Variants in EVA1A observed in about 807,000 individuals in gnomAD.
EVA1A encodes protein eva-1 homolog A.
A neutral mutation model predicts 9.8 loss-of-function variants in EVA1A; 7 were observed. The observed-to-expected ratio is 0.71, with a 90% CI of 0.41 to 1.34. EVA1A has a LOEUF of 1.34. EVA1A is among the 40% of genes most tolerant of loss of function. EVA1A has a pLI of 0.01. For synonymous variants in EVA1A, 90 were observed against 85.6 expected, an observed-to-expected ratio of 1.05 and a Z score of -0.28; for missense variants, 206 against 205.9, an observed-to-expected ratio of 1.00 and a Z score of 0.00.
At chr2:75,533,803 T>A (rs1385886980) in intron 1 of EVA1A, among the ~76,000 whole-genome samples, 1 of 150,434 alleles carries the variant, frequency 6.6e-6, no homozygotes, top group African/African-American at 2.4e-5. Context: ...TATTTTATTT[T>A]ATTATTTATT....
chr2:75,538,006 T>C (rs763587117), intron 1 of EVA1A, among the ~76,000 whole-genome samples: 8 of 152,136 alleles, frequency 5.3e-5, no homozygotes, highest in Non-Finnish European at 1.2e-4. Flanking sequence ...ACTAGTGAGT[T>C]TAGCCAGGTG....
intron 3 of EVA1A, among the ~76,000 whole-genome samples, chr2:75,511,623 A>T (rs1444754973): frequency 1.3e-5 from 2 of 152,174 alleles, no homozygotes; most frequent in Admixed American, 1.3e-4. Flanking sequence ...GAACTCTGGA[A>T]GGATGCATAA....
chr2:75,533,279 G>A (rs1173713899), intron 1 of EVA1A, among the ~76,000 whole-genome samples: 1 of 152,144 alleles, frequency 6.6e-6, no homozygotes, highest in Non-Finnish European at 1.5e-5. Flanking sequence ...CACAGAGGAT[G>A]TTTCATTGGA....
chr2:75,516,839 C>A (rs773671126), intron 3 of EVA1A, among the ~76,000 whole-genome samples: 4 of 152,192 alleles, frequency 2.6e-5, no homozygotes, highest in Non-Finnish European at 5.9e-5. Flanking sequence ...AATTTCAAAC[C>A]TCTCTTCCAG....
At chr2:75,533,500 G>C (rs1220058616) in intron 1 of EVA1A, among the ~76,000 whole-genome samples, 5 of 152,202 alleles carry the variant, frequency 3.3e-5, no homozygotes, top group Non-Finnish European at 5.9e-5. Context: ...AGAAAGAAAA[G>C]AATTTTAAAA....
chr2:75,524,576 CA>C (rs937964525), intron 1 of EVA1A, among the ~76,000 whole-genome samples: 1 of 152,120 alleles, frequency 6.6e-6, no homozygotes, highest in African/African-American at 2.4e-5. Flanking sequence ...GCTGAGTTTA[CA>C]AAATCAATGG....
At chr2:75,542,708 T>C (rs1676174479) in intron 1 of EVA1A, 1 of 152,270 alleles carries the variant, frequency 6.6e-6, no homozygotes, top group African/African-American at 2.4e-5. Context: ...GTGCATTTCA[T>C]ATGTTTCCAT....
Position 75,516,879 on chromosome 2 carries a change from T to C in EVA1A, c.85+1177A>G, listed in dbSNP as rs190743231. Among the ~76,000 whole-genome samples the C allele has an allele frequency of 1.3e-3, 193 of 152,290 alleles. 2 individuals are homozygous for C. The highest frequency in any genetic ancestry group is 1.6e-4 in the Non-Finnish European group (11 of 68,020). ...TGTGTCCTTTCTCTCCAATGTTGCC[T>C]TGAAGCAAGAGCAAAGATGAGATTC... On this transcript the variant is annotated intron_variant, in intron 3 of 3. Coordinates refer to ENST00000393913, the MANE Select transcript of EVA1A (RefSeq NM_001135032.2).
intron 3 of EVA1A, 138 bp downstream of exon 3, chr2:75,517,918 A>C (rs1025952213): frequency 9.9e-7 from 1 of 1,010,032 alleles, no homozygotes; most frequent in African/African-American, 1.6e-5. Context: ...TTCATCTCAA[A>C]GCTCAGCAAA....
intron 3 of EVA1A, 144 bp downstream of exon 3, chr2:75,517,912 T>C: frequency 1.0e-6 from 1 of 959,548 alleles, no homozygotes; most frequent in South Asian, 1.4e-5. Flanking sequence ...AGACCTTTCA[T>C]CTCAAAGCTC....
At chr2:75,501,919 CAGA>C (rs2103789392) in intron 3 of EVA1A, among the ~76,000 whole-genome samples, 1 of 152,314 alleles carries the variant, frequency 6.6e-6, no homozygotes, top group Non-Finnish European at 1.5e-5. Flanking sequence ...AGCCATGATT[CAGA>C]AGGAGATACC....
chr2:75,528,053 A>G (rs1675513865), intron 1 of EVA1A, among the ~76,000 whole-genome samples: 2 of 152,228 alleles, frequency 1.3e-5, no homozygotes, highest in African/African-American at 4.8e-5. Context: ...AGCAAAATAT[A>G]AAAGTAGAAG....
intron 3 of EVA1A, among the ~76,000 whole-genome samples, chr2:75,513,907 G>A (rs1674911767): frequency 6.6e-6 from 1 of 152,074 alleles, no homozygotes; most frequent in South Asian, 2.1e-4. Context: ...ACCAAGTTGA[G>A]GTTTTCATTT....
chr2:75,496,790 A>G (rs114985179), intron 3 of EVA1A, among the ~76,000 whole-genome samples: 2,380 of 152,318 alleles, frequency 0.016, 58 homozygotes, highest in African/African-American at 0.055. Flanking sequence ...TTCAAGTTAT[A>G]TTATAAGGCT....
chr2:75,525,757 T>C (rs1379204846), intron 1 of EVA1A, among the ~76,000 whole-genome samples: 1 of 152,162 alleles, frequency 6.6e-6, no homozygotes, highest in Non-Finnish European at 1.5e-5. Context: ...GATTTGAACA[T>C]AAAAGGACCA....
intron 2 of EVA1A, chr2:75,518,776 G>A (rs536347384): frequency 2.8e-5 from 28 of 986,010 alleles, no homozygotes; most frequent in Admixed American, 6.1e-5. Flanking sequence ...GTGCTTTCCC[G>A]GGAGCCTGCA....
chr2:75,531,700 G>A (rs1675656199), intron 1 of EVA1A, among the ~76,000 whole-genome samples: 1 of 152,124 alleles, frequency 6.6e-6, no homozygotes, highest in African/African-American at 2.4e-5. Flanking sequence ...CTTTAAGTGG[G>A]AGCTAAGCTA....
At chr2:75,516,564 T>A (rs1236187087) in intron 3 of EVA1A, among the ~76,000 whole-genome samples, 1 of 152,334 alleles carries the variant, frequency 6.6e-6, no homozygotes, top group East Asian at 1.9e-4. Context: ...GACTATTCAA[T>A]GAGTTACCAC....
intron 1 of EVA1A, chr2:75,540,698 G>C (rs1378310197): frequency 1.3e-5 from 2 of 152,220 alleles, no homozygotes; most frequent in Non-Finnish European, 2.9e-5. Context: ...GGAGGCTGTA[G>C]ATGCTCCAAG....
Sources: allele counts gnomAD v4.1 joint callset (sites outside exome capture counted in the v4.1 genomes callset), GRCh38; gene constraint gnomAD v4.1.1; transcripts MANE v1.5; gene names NCBI Gene and HGNC (gene_info 2026-07-23, HGNC 2026-07-21).